The following SNX3 variants were observed in gnomAD, a reference collection of about 807,000 sequenced individuals.
SNX3 encodes the protein sorting nexin-3.
A neutral mutation model predicts 17.7 loss-of-function variants in SNX3; 5 were observed. That is an observed-to-expected ratio of 0.28 (90% CI 0.15 to 0.59). The LOEUF is 0.59. Ranked by LOEUF, SNX3 falls within the 20% of genes least tolerant of loss-of-function variation. SNX3 has a pLI of 0.88. For synonymous variants in SNX3, 91 were observed against 76.5 expected, an observed-to-expected ratio of 1.19 and a Z score of -0.99; for missense variants, 132 against 206.8, an observed-to-expected ratio of 0.64 and a Z score of 2.22.
chr6:108,259,854 AC>A (rs1250900706), intron 1 of SNX3, among the ~76,000 whole-genome samples: 1 of 152,244 alleles, frequency 6.6e-6, no homozygotes, highest in Non-Finnish European at 1.5e-5. Flanking sequence ...TTTACACTTA[AC>A]TTTTAATAAT....
chr6:108,235,169 G>A (rs978452779), intron 1 of SNX3, among the ~76,000 whole-genome samples: 8 of 152,234 alleles, frequency 5.3e-5, no homozygotes, highest in African/African-American at 1.9e-4. Flanking sequence ...TTTGTGAATT[G>A]GGGCCTGTCC....
At chr6:108,236,559 A>G (rs1775346887) in intron 1 of SNX3, among the ~76,000 whole-genome samples, 2 of 150,366 alleles carry the variant, frequency 1.3e-5, no homozygotes, top group Admixed American at 1.3e-4. Flanking sequence ...AATTTTTTGT[A>G]TTTTTAGTAG....
chr6:108,228,516 A>C lies in SNX3; in HGVS notation c.163-5471T>G, dbSNP rs1055762048. ...AACCAAGATTGCGCCACTGCACTCC[A>C]GCCTGGGCAACAAGAGCGAAACTCT... On this transcript the variant is annotated intron_variant, in intron 1 of 3. Coordinates refer to ENST00000230085, the MANE Select transcript of SNX3 (RefSeq NM_003795.6). Among the ~76,000 whole-genome samples, 7 of 152,030 alleles carry C rather than the reference A, an allele frequency of 4.6e-5. No individual in the cohort carries two copies. The South Asian group carries it at 1.5e-3, about 32-fold the overall frequency.
At chr6:108,234,757 TAC>T (rs1464820114) in intron 1 of SNX3, among the ~76,000 whole-genome samples, 1 of 152,182 alleles carries the variant, frequency 6.6e-6, no homozygotes, top group African/African-American at 2.4e-5. Context: ...CATGATTATA[TAC>T]AGACATCCCT....
chr6:108,232,368 T>C (rs772291797), intron 1 of SNX3, among the ~76,000 whole-genome samples: 31 of 152,144 alleles, frequency 2.0e-4, no homozygotes, highest in Admixed American at 1.2e-3. Context: ...AACCATGGTA[T>C]AGAGGTCTAA....
intron 1 of SNX3, among the ~76,000 whole-genome samples, chr6:108,256,062 T>C (rs758487969): frequency 3.3e-5 from 5 of 152,114 alleles, no homozygotes; most frequent in Non-Finnish European, 7.4e-5. Flanking sequence ...AGATCTCGTC[T>C]CTACAAATAA....
chr6:108,255,339 AT>A (rs906401325), intron 1 of SNX3, among the ~76,000 whole-genome samples: 6 of 151,682 alleles, frequency 4.0e-5, no homozygotes, highest in Admixed American at 6.6e-5. Flanking sequence ...AAATGCCCTG[AT>A]TTTTTTTTCT....
chr6:108,212,555 C>T (rs1774439589), intron 3 of SNX3, among the ~76,000 whole-genome samples: 1 of 152,118 alleles, frequency 6.6e-6, no homozygotes, highest in South Asian at 2.1e-4. Context: ...CCAGGCTAGT[C>T]TCAAATCCCT....
intron 1 of SNX3, among the ~76,000 whole-genome samples, chr6:108,237,721 G>A (rs919205668): frequency 2.0e-5 from 3 of 151,622 alleles, no homozygotes; most frequent in South Asian, 2.1e-4. Flanking sequence ...CCAGGGAGGC[G>A]GAGATTGCAG....
rs952215364 is a variant in SNX3 at position 108,213,398 on chromosome 6, T to A, written c.383+1100A>T. ...CAGGCGTGGTGGCTCATGCTTGTAA[T>A]CCCAGCACTTTGGGAGACCAAGGCA... On this transcript the variant is annotated intron_variant, in intron 3 of 3. Transcript: ENST00000230085. Among the ~76,000 whole-genome samples the A allele has an allele frequency of 1.3e-5, 2 of 152,064 alleles. 1 individual carries two copies. Among genetic ancestry groups the A allele is most frequent in the Admixed American group, 1.3e-4 (2 of 15,266 alleles).
intron 1 of SNX3, among the ~76,000 whole-genome samples, chr6:108,236,079 G>A (rs1254107641): frequency 6.6e-6 from 1 of 152,072 alleles, no homozygotes; most frequent in African/African-American, 2.4e-5. Context: ...GATAAAATCA[G>A]CTAAAGTTTT....
At chr6:108,224,070 T>C (rs897123454) in intron 1 of SNX3, among the ~76,000 whole-genome samples, 4 of 152,132 alleles carry the variant, frequency 2.6e-5, no homozygotes, top group African/African-American at 9.7e-5. Flanking sequence ...TTCTTGGTGC[T>C]CATTCATCAT....
chr6:108,259,941 T>C lies in SNX3; in HGVS notation c.162+819A>G, dbSNP rs576066810. Among the ~76,000 whole-genome samples the C allele has an allele frequency of 5.2e-4, 79 of 152,390 alleles. 1 individual carries two copies. The highest frequency in any genetic ancestry group is 2.1e-4 in the Non-Finnish European group (14 of 68,042). ...CATGGGCAAATTCTTTAATCCTGAATTATAGAGTGAAAGTGAAGCACTATT... is the reference window on the plus strand; with the variant it reads ...CATGGGCAAATTCTTTAATCCTGAACTATAGAGTGAAAGTGAAGCACTATT... On this transcript the variant is annotated intron_variant, in intron 1 of 3. Transcript: ENST00000230085.
chr6:108,216,634 A>G (rs1249808540), intron 2 of SNX3, among the ~76,000 whole-genome samples: 1 of 152,244 alleles, frequency 6.6e-6, no homozygotes, highest in African/African-American at 2.4e-5. Context: ...AAACTGATAC[A>G]TATTTTTCTT....
At chr6:108,228,470 C>G (rs973965524) in intron 1 of SNX3, among the ~76,000 whole-genome samples, 8 of 151,946 alleles carry the variant, frequency 5.3e-5, no homozygotes, top group Admixed American at 1.3e-4. Flanking sequence ...TGCTTGAACC[C>G]GGGAAGCGGA....
chr6:108,232,303 G>C (rs548509705), intron 1 of SNX3, among the ~76,000 whole-genome samples: 28 of 152,050 alleles, frequency 1.8e-4, no homozygotes, highest in African/African-American at 6.3e-4. Flanking sequence ...AATCACACAG[G>C]GTAAGATCAT....
At chr6:108,246,800 T>C (rs533170037) in intron 1 of SNX3, among the ~76,000 whole-genome samples, 2 of 152,258 alleles carry the variant, frequency 1.3e-5, no homozygotes, top group African/African-American at 2.4e-5. Flanking sequence ...TTCTAATTCC[T>C]GGCCTCAAAC....
chr6:108,250,444 C>G (rs920270437), intron 1 of SNX3, among the ~76,000 whole-genome samples: 1 of 152,068 alleles, frequency 6.6e-6, no homozygotes, highest in Non-Finnish European at 1.5e-5. Flanking sequence ...AAGGTAAGCC[C>G]ATAATTTGCC....
At chr6:108,251,816 T>C (rs192102283) in intron 1 of SNX3, among the ~76,000 whole-genome samples, 31 of 152,160 alleles carry the variant, frequency 2.0e-4, no homozygotes, top group Non-Finnish European at 4.3e-4. Context: ...CATGCCTGTA[T>C]TTTGGGAGGC....
Sources: gnomAD v4.1 joint callset for allele counts (sites outside exome capture counted in the v4.1 genomes callset) on GRCh38, gnomAD v4.1.1 for gene constraint, MANE v1.5 for transcripts, NCBI Gene and HGNC (gene_info 2026-07-23, HGNC 2026-07-21) for gene names.